The following ITFG2 variants were observed in gnomAD, a reference collection of about 807,000 sequenced individuals.
ITFG2 encodes integrin alpha FG-GAP repeat containing 2, also known as KICSTOR complex protein ITFG2.
A neutral mutation model predicts 54.4 loss-of-function variants in ITFG2; 36 were observed. The observed-to-expected ratio is 0.66, with a 90% confidence interval of 0.51 to 0.87. The LOEUF (loss-of-function observed/expected upper bound fraction) is 0.87, where lower values mean the gene tolerates loss of function less well. Among genes scored for constraint, ITFG2 ranks in the 40% least tolerant of loss-of-function variants. The pLI is 0.00. For synonymous variants in ITFG2, 211 were observed against 225.4 expected (o/e 0.94, Z 0.57); for missense variants, 524 against 576.7 (o/e 0.91, Z 0.94).
At chr12:2,837,665 A>T (rs2153926816) in intron 1 of ITFG2, among the ~76,000 whole-genome samples, 1 of 152,132 alleles carries the variant, frequency 6.6e-6, no homozygotes, top group South Asian at 2.1e-4. Flanking sequence ...AACAAAAACA[A>T]AACAAAATTA....
intron 2 of ITFG2, among the ~76,000 whole-genome samples, chr12:2,848,887 A>G (rs2098061034): frequency 6.7e-6 from 1 of 150,288 alleles, no homozygotes; most frequent in African/African-American, 2.5e-5. Flanking sequence ...GCACACACAC[A>G]CACACACACA....
At chr12:2,859,317 C>T in intron 3 of ITFG2, 1 of 1,613,556 alleles carries the variant, frequency 6.2e-7, no homozygotes, top group Non-Finnish European at 8.5e-7. Context: ...CCTCTCCCTC[C>T]TCTCCCTGTG....
chr12:2,812,744 C>G lies in ITFG2; in HGVS notation c.-17C>G. 6.3e-7 allele frequency: 1 copy of G among 1,592,064 alleles called. No homozygotes were observed. Among genetic ancestry groups the G allele is most frequent in the Non-Finnish European group, 8.6e-7 (1 of 1,161,276 alleles). ...TATTTACTGGGCCTCTCCGCTCCCT[C>G]TGCTCTTGGAGGTGCCATGAGGTCA... On this transcript the variant is annotated 5_prime_UTR_variant, in exon 1 of 12. Coordinates refer to ENST00000228799, the MANE Select transcript of ITFG2 (RefSeq NM_018463.4).
chr12:2,835,084 A>C, upstream of ITFG2: 1 of 1,437,326 alleles, frequency 7.0e-7, no homozygotes, highest in East Asian at 2.5e-5. Context: ...GAGGGTTGGC[A>C]GGGCCCACAG....
intron 5 of ITFG2, 30 bp downstream of exon 5, chr12:2,820,255 C>T (rs1453470692): frequency 1.3e-6 from 2 of 1,545,480 alleles, no homozygotes; most frequent in East Asian, 2.4e-5. Flanking sequence ...GAACAAGGCC[C>T]CAGGGAGCTG....
chr12:2,839,118 G>A lies in ITFG2; in HGVS notation n.147-1724G>A, dbSNP rs140730029. Among the ~76,000 whole-genome samples, 10 of 151,996 alleles carry A rather than the reference G, an allele frequency of 6.6e-5. No homozygotes were observed. In the East Asian group the frequency reaches 1.7e-3, roughly 26 times the overall value. On this transcript the variant is annotated intron_variant and non_coding_transcript_variant, in intron 1 of 3. Transcript: ENST00000537710. ...ACCAGCCTAACCAATGTAGTGAAAC[G>A]CTGTCTCTACTAAAAATACAAAAAT...
chr12:2,813,570 G>A (rs1221543893), intron 1 of ITFG2, among the ~76,000 whole-genome samples: 1 of 152,170 alleles, frequency 6.6e-6, no homozygotes, highest in African/African-American at 2.4e-5. Context: ...ACTAAAGTAT[G>A]GAGAGGATTC....
chr12:2,840,447 C>G (rs2098038351), intron 1 of ITFG2, among the ~76,000 whole-genome samples: 1 of 141,678 alleles, frequency 7.1e-6, no homozygotes, highest in Non-Finnish European at 1.5e-5. Context: ...CAGAGCGAGA[C>G]TCTGTCTCAA....
chr12:2,859,114 G>T, intron 3 of ITFG2: 1 of 1,606,004 alleles, frequency 6.2e-7, no homozygotes. Context: ...GAGATGGGCA[G>T]CGTTTCCTTA....
downstream of ITFG2, among the ~76,000 whole-genome samples, chr12:2,831,309 C>T (rs919126754): frequency 2.6e-5 from 4 of 151,836 alleles, no homozygotes; most frequent in Non-Finnish European, 5.9e-5. Flanking sequence ...CTAGGCCAGG[C>T]GTGGTGGCTC....
chr12:2,852,139 C>A (rs1454179586), intron 2 of ITFG2, among the ~76,000 whole-genome samples: 1 of 152,104 alleles, frequency 6.6e-6, no homozygotes, highest in Non-Finnish European at 1.5e-5. Context: ...CACATGACTT[C>A]CTGTTATGTG....
chr12:2,816,031 AT>A lies in ITFG2; in HGVS notation c.97-1174del, dbSNP rs35664869. Among the ~76,000 whole-genome samples the A allele has an allele frequency of 3.8e-3, 511 of 133,190 alleles. 2 individuals carry two copies. Among genetic ancestry groups the A allele is most frequent in the African/African-American group, 7.2e-3 (255 of 35,592 alleles). The allele number at this position is 133,190 out of a possible 152,430, so 87.4% of individuals were successfully genotyped here. A position where few individuals can be genotyped will look rare whatever the true frequency, so the allele number is the denominator to read the frequency against. On this transcript the variant is annotated intron_variant, in intron 1 of 11. Coordinates refer to ENST00000228799, the MANE Select transcript of ITFG2 (RefSeq NM_018463.4). ...AGGTGTGCACCACCACACCTGGATA[AT>A]TTTTTTTTTTTTTTTTTGAGACAGA...
chr12:2,821,828 C>A, intron 9 of ITFG2, 36 bp downstream of exon 9: 1 of 1,479,486 alleles, frequency 6.8e-7, no homozygotes, highest in Non-Finnish European at 9.4e-7. Context: ...AGCATTCCTG[C>A]GTTTTCCACA....
At position 2,820,245 on chromosome 12, in the gene ITFG2, G is replaced by T. The variant is rs1468684143; in HGVS notation, c.546+20G>T. On this transcript the variant is annotated intron_variant, in intron 5 of 11. Coordinates refer to ENST00000228799, the MANE Select transcript of ITFG2 (RefSeq NM_018463.4). ...GGTCAGGTAAGAAGCTGACTCTGGGGAACAAGGCCCCAGGGAGCTGGGAGG... is the reference window on the plus strand; with the variant it reads ...GGTCAGGTAAGAAGCTGACTCTGGGTAACAAGGCCCCAGGGAGCTGGGAGG... The T allele has an allele frequency of 1.3e-6, 2 of 1,563,692 alleles. No individual in the cohort carries two copies. Among genetic ancestry groups the T allele is most frequent in the African/African-American group, 2.7e-5 (2 of 73,682 alleles).
In ITFG2 at chr12:2,859,246, A is replaced by G. The variant is rs752120067; in HGVS notation, n.621-288A>G. The G allele has an allele frequency of 1.9e-6, 3 of 1,613,624 alleles. 1 individual carries two copies. In the South Asian group the frequency reaches 3.3e-5, roughly 18 times the overall value. On this transcript the variant is annotated intron_variant and non_coding_transcript_variant, in intron 3 of 3. Coordinates refer to the ITFG2 transcript ENST00000537710. Reference sequence around the variant, plus strand: ...CGGGAAGTACTGGGCCCCTCTGAGAAGAGCAGCTCCGGCTCATCCACACAG... The same window carrying G: ...CGGGAAGTACTGGGCCCCTCTGAGAGGAGCAGCTCCGGCTCATCCACACAG...
chr12:2,845,255 G>A lies in ITFG2; in HGVS notation n.300+4260G>A, dbSNP rs1165234225. ...GGAAGCTGGAAAGTGAGTTGGGTGG[G>A]GACTGTCTGCAGAGGGGATCTTGGC... On this transcript the variant is annotated intron_variant and non_coding_transcript_variant, in intron 2 of 3. Coordinates refer to the ITFG2 transcript ENST00000537710. This position sits in a 1 kb window ranked among gnomAD's most constrained non-coding sequence, Gnocchi z 4.2. 6.6e-6 allele frequency among the ~76,000 whole-genome samples: 1 copy of A among 152,128 alleles called. No homozygotes were observed. The highest frequency in any genetic ancestry group is 1.5e-5 in the Non-Finnish European group (1 of 68,016).
At chr12:2,822,684 T>C (rs2097949468) in intron 9 of ITFG2, 110 bp from the exon 10 acceptor site, 1 of 868,278 alleles carries the variant, frequency 1.2e-6, no homozygotes, top group Non-Finnish European at 1.9e-6. Flanking sequence ...CATTTGACAG[T>C]TGCGTTTACT....
intron 8 of ITFG2, 25 bp downstream of exon 8, chr12:2,821,621 G>C: frequency 6.2e-7 from 1 of 1,614,032 alleles, no homozygotes; most frequent in Non-Finnish European, 8.5e-7. Context: ...GATGGGGTGT[G>C]GGGGCTGTAT....
intron 1 of ITFG2, among the ~76,000 whole-genome samples, chr12:2,816,198 T>C (rs1358136155): frequency 1.3e-5 from 2 of 151,556 alleles, no homozygotes; most frequent in African/African-American, 4.9e-5. Context: ...GCTCAGCTAA[T>C]TTTTGTATTT....
Sources: allele counts gnomAD v4.1 joint callset (sites outside exome capture counted in the v4.1 genomes callset), GRCh38; gene constraint gnomAD v4.1.1; non-coding constraint Gnocchi (gnomAD v3.1); transcripts MANE v1.5; gene names NCBI Gene and HGNC (gene_info 2026-07-23, HGNC 2026-07-21).